IDE: variants seen among roughly 807,000 people sequenced by gnomAD.
IDE encodes insulin-degrading enzyme.
Under a neutral mutation model 133.2 loss-of-function variants are expected in IDE, and 58 were observed. The ratio of observed to expected loss-of-function variants is 0.44; its 90% CI spans 0.35 to 0.54. IDE has a LOEUF of 0.54. IDE is among the 20% of genes least tolerant of loss of function. IDE has a pLI of 0.00. For synonymous variants in IDE, 396 were observed against 421.3 expected, an observed-to-expected ratio of 0.94 and a Z score of 0.73; for missense variants, 981 against 1,234.0, an observed-to-expected ratio of 0.79 and a Z score of 3.07.
In IDE at chr10:92,487,235, C is replaced by CG. The variant is rs1847053999; in HGVS notation, c.1616dup (p.Leu540ValfsTer13). 6.2e-7 allele frequency: 1 copy of CG among 1,612,658 alleles called. No homozygotes were observed. The highest frequency in any genetic ancestry group is 8.5e-7 in the Non-Finnish European group (1 of 1,179,330). ...GGTATGGTGTCGCCTCTTTTTCTAA[C>CG]GGTAAAATCTCAAAATTCGTAGGAA... is the stretch of plus-strand genomic sequence containing the variant. On this transcript the variant is annotated frameshift_variant, in exon 13 of 25. Transcript: ENST00000265986. LOFTEE classifies it high-confidence loss of function.
In IDE at chr10:92,541,343, A is replaced by C. The variant is rs1008183660; in HGVS notation, c.99-3793T>G. ...ATGACTGGGAACTCTTCCTCCTCTG[A>C]TGATGAATTCATCAACAGCTTGCCT... On this transcript the variant is annotated intron_variant, in intron 1 of 24. Coordinates refer to ENST00000265986, the MANE Select transcript of IDE (RefSeq NM_004969.4). 5 of 470,810 alleles carry C rather than the reference A, an allele frequency of 1.1e-5. No individual in the cohort carries two copies. The Admixed American group carries it at 1.2e-4, about 11-fold the overall frequency. The allele number at this position is 470,810 out of a possible 1,614,324, so 29.2% of individuals were successfully genotyped here.
At chr10:92,539,302 TAAA>T (rs1842184254) in intron 1 of IDE, among the ~76,000 whole-genome samples, 1 of 152,148 alleles carries the variant, frequency 6.6e-6, no homozygotes, top group African/African-American at 2.4e-5. Context: ...ATACTGGTTT[TAAA>T]AATCACATAG....
rs1387676393 is a variant in IDE, at chr10:92,534,568, T to C, written c.491+10A>G. ...CAAAGTTGGATAATTCATAGGGTAT[T>C]CTGCATTACCTGTCTAGGGCACCTT... On this transcript the variant is annotated intron_variant, in intron 3 of 24. Coordinates refer to ENST00000265986, the MANE Select transcript of IDE (RefSeq NM_004969.4). 1.3e-6 allele frequency: 2 copies of C among 1,543,378 alleles called. No homozygotes were observed. The highest frequency in any genetic ancestry group is 3.4e-5 in the Admixed American group (2 of 59,590).
chr10:92,499,423 G>A (rs11187027), intron 11 of IDE, among the ~76,000 whole-genome samples: 28,145 of 151,234 alleles, frequency 0.19, 2,887 homozygotes, highest in Middle Eastern at 0.23. Context: ...AGGATTATAG[G>A]CATGAGCCAC....
chr10:92,525,583 A>G (rs1849579721), intron 4 of IDE, among the ~76,000 whole-genome samples: 1 of 152,178 alleles, frequency 6.6e-6, no homozygotes. Flanking sequence ...AATGGAAAGA[A>G]GTCAAACTGT....
intron 24 of IDE, among the ~76,000 whole-genome samples, chr10:92,454,880 C>A (rs1377796211): frequency 3.3e-5 from 5 of 152,026 alleles, no homozygotes; most frequent in African/African-American, 1.2e-4. Context: ...GGTGTGCCCA[C>A]CCACAAAAAG....
Position 92,537,462 on chromosome 10 carries a change from C to T in IDE, c.187G>A (p.Glu63Lys). 6.2e-7 allele frequency: 1 copy of T among 1,613,982 alleles called. No homozygotes were observed. The highest frequency in any genetic ancestry group is 8.5e-7 in the Non-Finnish European group (1 of 1,179,880). Residue 63 changes from glutamate (E) to lysine (K), a missense_variant, in exon 2 of 25, where the codon GAA becomes AAA. Coordinates refer to ENST00000265986, the MANE Select transcript of IDE (RefSeq NM_004969.4). The part of the protein sequence containing the change: ...HITKSPEDKR[E>K]YRGLELANGI... ...TTGGCCAGCTCTAGCCCTCGATATT[C>T]TCGCTTGTCTTCAGGAGACTTGGTA...
At chr10:92,478,756 G>A (rs1395874077) in intron 15 of IDE, 3 of 1,264,088 alleles carry the variant, frequency 2.4e-6, no homozygotes, top group Non-Finnish European at 3.1e-6. Flanking sequence ...GGTATGTCAT[G>A]TTGCAATGGA....
Position 92,454,317 on chromosome 10 carries a change from T to C in IDE, c.*127A>G, listed in dbSNP as rs962415236. ...TTTATAATATTTCTACATAATGACA[T>C]TTGACAATTTTTTGTTTGTTTCTCT... is the stretch of plus-strand genomic sequence containing the variant. On this transcript the variant is annotated 3_prime_UTR_variant, in exon 25 of 25. Transcript: ENST00000265986. The C allele has an allele frequency of 4.7e-6, 3 of 642,128 alleles. No individual in the cohort carries two copies. Among genetic ancestry groups the C allele is most frequent in the African/African-American group, 3.6e-5 (2 of 55,750 alleles). The allele number at this position is 642,128 out of a possible 1,614,324, so 39.8% of individuals were successfully genotyped here.
chr10:92,471,829 G>C (rs1845983760), intron 17 of IDE, among the ~76,000 whole-genome samples: 1 of 152,178 alleles, frequency 6.6e-6, no homozygotes, highest in Admixed American at 6.5e-5. Context: ...CTCTTGAGTA[G>C]CTAGGAATGC....
At chr10:92,573,107 T>C in intron 1 of IDE, 1 of 985,458 alleles carries the variant, frequency 1.0e-6, no homozygotes, top group Non-Finnish European at 1.2e-6. Flanking sequence ...ACTGCCTATC[T>C]TCTTCCATTC....
intron 21 of IDE, among the ~76,000 whole-genome samples, chr10:92,462,053 T>C (rs1347477782): frequency 6.6e-6 from 1 of 151,974 alleles, no homozygotes; most frequent in Non-Finnish European, 1.5e-5. Context: ...CAGTGGCTCA[T>C]GCCTATAATC....
intron 4 of IDE, among the ~76,000 whole-genome samples, chr10:92,519,580 G>C (rs776356611): frequency 1.1e-4 from 16 of 152,136 alleles, no homozygotes; most frequent in Admixed American, 2.6e-4. Flanking sequence ...AGCAACCTTG[G>C]AAAAGTCTCC....
chr10:92,558,961 A>G (rs1843144723), intron 1 of IDE: 1 of 152,108 alleles, frequency 6.6e-6, no homozygotes, highest in Admixed American at 6.5e-5. Context: ...TAACAAATAG[A>G]AAAAGGATCT....
rs530121457 is a variant in IDE, at chr10:92,536,516, T to A, written c.283+850A>T. On this transcript the variant is annotated intron_variant, in intron 2 of 24. Transcript: ENST00000265986. ...GAGTTCAAGACCAGCCTGACCAACA[T>A]GGAGAAACCCCATCTCTACTAAAAA... Among the ~76,000 whole-genome samples the A allele has an allele frequency of 3.9e-3, 568 of 146,284 alleles. 1 individual carries two copies. Among genetic ancestry groups the A allele is most frequent in the Non-Finnish European group, 7.0e-3 (472 of 67,240 alleles).
At chr10:92,509,344 G>A (rs555872810) in intron 6 of IDE, among the ~76,000 whole-genome samples, 5 of 152,200 alleles carry the variant, frequency 3.3e-5, no homozygotes, top group South Asian at 2.1e-4. Flanking sequence ...TATAATCCTC[G>A]CACTTTGGGA....
At chr10:92,496,530 A>C (rs970465820) in intron 11 of IDE, among the ~76,000 whole-genome samples, 1 of 152,196 alleles carries the variant, frequency 6.6e-6, no homozygotes, top group African/African-American at 2.4e-5. Context: ...TCATGCCTGT[A>C]ATCTCAACAA....
intron 1 of IDE, among the ~76,000 whole-genome samples, chr10:92,557,632 G>A (rs1219141566): frequency 6.6e-6 from 1 of 152,112 alleles, no homozygotes; most frequent in Non-Finnish European, 1.5e-5. Flanking sequence ...CGGGCATGTT[G>A]TAATCCCAGC....
intron 1 of IDE, among the ~76,000 whole-genome samples, chr10:92,567,835 T>C (rs1241185555): frequency 2.0e-5 from 3 of 152,130 alleles, no homozygotes; most frequent in Non-Finnish European, 4.4e-5. Context: ...TAGCCAGGCA[T>C]GGTGGCACAA....
Sources: gnomAD v4.1 joint callset for allele counts (sites outside exome capture counted in the v4.1 genomes callset) on GRCh38, gnomAD v4.1.1 for gene constraint, MANE v1.5 for transcripts, NCBI Gene and HGNC (gene_info 2026-07-23, HGNC 2026-07-21) for gene names.